HDGFL2: variants seen among roughly 807,000 people sequenced by gnomAD.
HDGFL2 encodes hepatoma-derived growth factor-related protein 2.
In HDGFL2, 36 loss-of-function variants were observed where a neutral mutation model predicts 77.1. The observed-to-expected ratio is 0.47, with a 90% CI of 0.36 to 0.62. The LOEUF (loss-of-function observed/expected upper bound fraction) is 0.62. Among genes scored for constraint, HDGFL2 ranks in the 20% least tolerant of loss-of-function variants. The pLI is 0.00. For synonymous variants in HDGFL2, 463 were observed against 413.1 expected (o/e 1.12, Z -1.46); for missense variants, 976 against 973.4 (o/e 1.00, Z -0.04).
At chr19:4,476,540 T>TA (rs912346714) in intron 3 of HDGFL2, among the ~76,000 whole-genome samples, 2 of 151,758 alleles carry the variant, frequency 1.3e-5, no homozygotes, top group African/African-American at 4.8e-5. Flanking sequence ...TAAAACCTTT[T>TA]ATTTTCTTAG....
chr19:4,501,169 G>C (rs564845617), intron 14 of HDGFL2, 22 bp from the exon 15 acceptor site: 5 of 1,612,688 alleles, frequency 3.1e-6, no homozygotes, highest in African/African-American at 1.3e-5. Context: ...GCAGTGTCCT[G>C]TGACCCCTCT....
chr19:4,488,590 G>C (rs971347905), intron 3 of HDGFL2, 86 bp from the exon 4 acceptor site: 3 of 1,221,160 alleles, frequency 2.5e-6, no homozygotes, highest in Non-Finnish European at 3.4e-6. Context: ...TCCCGCATGT[G>C]GTTGCCGTCC....
chr19:4,493,492 C>T (rs1975603197), intron 6 of HDGFL2, among the ~76,000 whole-genome samples: 1 of 152,128 alleles, frequency 6.6e-6, no homozygotes, highest in Admixed American at 6.5e-5. Flanking sequence ...GGGCCAGCAG[C>T]TGCCCGGCGT....
Position 4,501,918 on chromosome 19 carries a change from C to G in HDGFL2, c.1924C>G (p.Arg642Gly). ...GSSEDLHDSV[R>G]EGPDLDRPGS... is the part of the protein sequence containing the mutation. Reference sequence around the variant, plus strand: ...CTTTGCTGTTCCCACCAGCAGCGTACGGGAGGGTCCCGACCTGGACAGGCC... The same window carrying G: ...CTTTGCTGTTCCCACCAGCAGCGTAGGGGAGGGTCCCGACCTGGACAGGCC... The change falls in exon 16 of 16, where the codon CGG (arginine) becomes GGG (glycine). Residue 642 changes from arginine to glycine, a missense_variant. By Grantham distance (125) the Arg-to-Gly change is moderately radical (BLOSUM62 -2). Around this residue, in one of 5 missense-constraint regions of HDGFL2, gnomAD observed 229 missense variants for 187.3 expected, o/e 1.22. Coordinates refer to ENST00000616600, the MANE Select transcript of HDGFL2 (RefSeq NM_001001520.3). 6.8e-7 allele frequency: 1 copy of G among 1,467,472 alleles called. No homozygotes were observed. The highest frequency in any genetic ancestry group is 9.0e-7 in the Non-Finnish European group (1 of 1,114,412). The allele number at this position is 1,467,472 out of a possible 1,614,324, so 90.9% of individuals were successfully genotyped here. A position where few individuals can be genotyped will look rare whatever the true frequency, so the allele number is the denominator to read the frequency against.
At chr19:4,474,697 C>G (rs1285513441) in intron 1 of HDGFL2, among the ~76,000 whole-genome samples, 2 of 152,138 alleles carry the variant, frequency 1.3e-5, no homozygotes, top group East Asian at 3.9e-4. Flanking sequence ...CCCCCGTCCC[C>G]CCTTCTCCAG....
intron 3 of HDGFL2, among the ~76,000 whole-genome samples, chr19:4,488,101 G>C (rs1975408655): frequency 1.3e-5 from 2 of 152,042 alleles, no homozygotes; most frequent in South Asian, 4.1e-4. Flanking sequence ...CTCCTGAGTA[G>C]CTGGGATTAC....
intron 3 of HDGFL2, among the ~76,000 whole-genome samples, chr19:4,479,476 G>T (rs1975157324): frequency 6.6e-6 from 1 of 151,590 alleles, no homozygotes; most frequent in Admixed American, 6.6e-5. Context: ...AGCTACTCTG[G>T]AGGCTGAAGC....
intron 14 of HDGFL2, 76 bp from the exon 15 acceptor site, chr19:4,501,115 A>T (rs1284744825): frequency 3.8e-6 from 6 of 1,587,782 alleles, no homozygotes; most frequent in Admixed American, 3.4e-5. Context: ...CCCCTGGTCC[A>T]GTCCTTGACA....
At chr19:4,500,305 G>T (rs1975827109) in intron 14 of HDGFL2, among the ~76,000 whole-genome samples, 1 of 151,914 alleles carries the variant, frequency 6.6e-6, no homozygotes, top group African/African-American at 2.4e-5. Flanking sequence ...TTTTTTTTCT[G>T]AGATGGGGTC....
rs188869241 is a variant in HDGFL2, at chr19:4,476,083, G to A, written c.288+500G>A. On this transcript the variant is annotated intron_variant, in intron 3 of 15. Transcript: ENST00000616600. ...TTTTTTGTATTTTTAATAGAGACAG[G>A]GTTTCACTGTGTTAGCCAGGATGGT... Among the ~76,000 whole-genome samples the A allele has an allele frequency of 6.8e-4, 102 of 150,722 alleles. No homozygotes were observed. The Middle Eastern group carries it at 0.014, about 20-fold the overall frequency.
intron 1 of HDGFL2, chr19:4,474,977 G>A (rs1042110577): frequency 4.4e-5 from 16 of 365,740 alleles, no homozygotes; most frequent in Non-Finnish European, 7.6e-5. Context: ...CATAGACGCT[G>A]AGCTTGGCCC....
chr19:4,492,406 C>T (rs577111337), intron 6 of HDGFL2, among the ~76,000 whole-genome samples: 2 of 151,404 alleles, frequency 1.3e-5, no homozygotes, highest in Admixed American at 1.3e-4. Flanking sequence ...TGCTGTACCT[C>T]TCCTCTGCGT....
rs2288932 is a variant in HDGFL2 at position 4,475,365 on chromosome 19, T to G, written c.149+14T>G. 304,878 of 1,613,710 alleles carry G rather than the reference T, an allele frequency of 0.19. 30,125 individuals carry two copies. The highest frequency in any genetic ancestry group is 0.24 in the South Asian group (21,902 of 91,060). The stretch of plus-strand genomic sequence containing the variant: ...CACACACGAAACGTAAGTGTCCCCT[T>G]CTGGGGCTTGGTTTTCTCCTCTGGT... On this transcript the variant is annotated intron_variant, in intron 2 of 15. Transcript: ENST00000616600.
intron 3 of HDGFL2, among the ~76,000 whole-genome samples, chr19:4,478,335 T>C (rs1975125977): frequency 2.0e-5 from 3 of 151,414 alleles, no homozygotes; most frequent in Admixed American, 2.0e-4. Flanking sequence ...CCCGAGTAGC[T>C]GGGACTATGG....
chr19:4,472,439 G>T lies in HDGFL2; in HGVS notation c.72+17G>T. The T allele has an allele frequency of 1.2e-6, 1 of 855,570 alleles. No homozygotes were observed. The highest frequency in any genetic ancestry group is 1.6e-6 in the Non-Finnish European group (1 of 621,546). The allele number at this position is 855,570 out of a possible 1,614,324, so 53.0% of individuals were successfully genotyped here. On this transcript the variant is annotated intron_variant, in intron 1 of 15. Transcript: ENST00000616600. Reference sequence around the variant, plus strand: ...CCTGCCAGGGTGAGGCCGCGCGGGAGATGGGGCCGGTGGGGGGGGGGGGGG... The same window carrying T: ...CCTGCCAGGGTGAGGCCGCGCGGGATATGGGGCCGGTGGGGGGGGGGGGGG...
chr19:4,488,530 T>G, intron 3 of HDGFL2, 146 bp from the exon 4 acceptor site: 1 of 740,262 alleles, frequency 1.4e-6, no homozygotes, highest in Non-Finnish European at 2.2e-6. Flanking sequence ...CTTCTGGGCC[T>G]CGGTTTCCCC....
At chr19:4,494,138 G>A (rs751626784) in intron 8 of HDGFL2, 28 bp from the exon 9 acceptor site, 11 of 1,494,858 alleles carry the variant, frequency 7.4e-6, no homozygotes, top group Admixed American at 7.2e-5. Flanking sequence ...GAGGAACGGA[G>A]GTCCCCAACC....
At chr19:4,494,807 C>G (rs1238306805) in intron 9 of HDGFL2, among the ~76,000 whole-genome samples, 2 of 152,142 alleles carry the variant, frequency 1.3e-5, no homozygotes, top group South Asian at 2.1e-4. Flanking sequence ...ATAGTCCCGG[C>G]TGCTCAGGAG....
chr19:4,501,240 C>T lies in HDGFL2; in HGVS notation c.1839C>T (p.Ser613=), dbSNP rs781568200. The T allele has an allele frequency of 4.1e-5, 66 of 1,613,626 alleles. 1 individual carries two copies. The Middle Eastern group carries it at 3.3e-3, about 80-fold the overall frequency. Residue 613 remains serine (S), a synonymous_variant, in exon 15 of 16, where the codon AGC becomes AGT. Transcript: ENST00000616600. ...NGEATSQKGE[S]AEDKEHEEGR... The stretch of plus-strand genomic sequence containing the variant: ...AGGCCACATCACAGAAGGGGGAGAG[C>T]GCAGAGGACAAGGAGCACGAGGAGG...
Sources: allele counts gnomAD v4.1 joint callset (sites outside exome capture counted in the v4.1 genomes callset), GRCh38; gene constraint gnomAD v4.1.1; regional missense constraint gnomAD v4.1.1; transcripts MANE v1.5; gene names NCBI Gene and HGNC (gene_info 2026-07-23, HGNC 2026-07-21).